PCDH15: variants seen among roughly 807,000 people sequenced by gnomAD.
PCDH15 encodes the protein protocadherin related 15.
PCDH15 carries 129 observed loss-of-function variants against 178.5 expected under a neutral mutation model. The ratio of observed to expected loss-of-function variants is 0.72; its 90% CI spans 0.63 to 0.84. PCDH15 has a LOEUF of 0.84. Ranked by LOEUF, PCDH15 falls within the 40% of genes least tolerant of loss-of-function variation. The pLI is 0.00. For synonymous variants in PCDH15, 800 were observed against 732.0 expected (o/e 1.09, Z -1.50); for missense variants, 2,230 against 2,099.9 (o/e 1.06, Z -1.21).
chr10:53,968,127 C>T (rs892538794), intron 21 of PCDH15, among the ~76,000 whole-genome samples: 13 of 152,112 alleles, frequency 8.5e-5, no homozygotes, highest in African/African-American at 3.1e-4. Context: ...ACAGATGGTA[C>T]CTGGAAAATT....
chr10:54,853,318 T>TATATATACACAC (rs1194965974), intron 3 of PCDH15, among the ~76,000 whole-genome samples: 2 of 102,054 alleles, frequency 2.0e-5, no homozygotes, highest in African/African-American at 4.3e-5. Flanking sequence ...TATATATATA[T>TATATATACACAC]ACATACACAC....
intron 2 of PCDH15, among the ~76,000 whole-genome samples, chr10:55,460,240 CTTATA>C (rs1019867826): frequency 1.7e-4 from 26 of 151,370 alleles, no homozygotes; most frequent in African/African-American, 5.8e-4. Flanking sequence ...TTTCATTATT[CTTATA>C]TTATTATTGT....
intron 3 of PCDH15, among the ~76,000 whole-genome samples, chr10:54,882,884 A>G (rs904504343): frequency 4.6e-5 from 7 of 152,088 alleles, no homozygotes; most frequent in Non-Finnish European, 8.8e-5. Flanking sequence ...CGCCATAGCC[A>G]TAAACAGTCG....
intron 1 of PCDH15, among the ~76,000 whole-genome samples, chr10:54,738,346 C>T (rs1944377664): frequency 1.3e-5 from 2 of 152,064 alleles, no homozygotes; most frequent in Admixed American, 6.6e-5. Context: ...CCAAAAGACA[C>T]ATCTAGCATA....
chr10:54,020,528 A>G lies in PCDH15; in HGVS notation c.2527-112T>C, dbSNP rs1198739079. 6 of 1,044,278 alleles carry G rather than the reference A, an allele frequency of 5.7e-6. No individual in the cohort carries two copies. In the East Asian group the frequency reaches 1.2e-4, roughly 21 times the overall value. 64.7% of individuals were successfully genotyped at this position (1,044,278 alleles called of 1,614,324 possible). A position where few individuals can be genotyped will look rare whatever the true frequency, so the allele number is the denominator to read the frequency against. On this transcript the variant is annotated intron_variant, in intron 19 of 37. Coordinates refer to ENST00000644397, the MANE Select transcript of PCDH15 (RefSeq NM_001384140.1). ...GGACAGCATCAATTTAACGAGGACA[A>G]AAAGACACGTTTTTTGTTTTTGTTT...
At chr10:55,238,219 G>T (rs974923942) in intron 1 of PCDH15, among the ~76,000 whole-genome samples, 5 of 144,212 alleles carry the variant, frequency 3.5e-5, no homozygotes, top group Non-Finnish European at 6.0e-5. Flanking sequence ...GCGCGATCTC[G>T]GCTCACTGCA....
At chr10:55,500,528 T>A (rs992722599) in intron 2 of PCDH15, among the ~76,000 whole-genome samples, 2 of 151,774 alleles carry the variant, frequency 1.3e-5, no homozygotes, top group Non-Finnish European at 2.9e-5. Context: ...CTCCCAGGAA[T>A]CTTATTAAAA....
intron 1 of PCDH15, among the ~76,000 whole-genome samples, chr10:55,258,540 A>G (rs1447603297): frequency 2.0e-5 from 3 of 152,070 alleles, no homozygotes; most frequent in Non-Finnish European, 4.4e-5. Context: ...TATACCCCTC[A>G]GTTGAATCTT....
intron 18 of PCDH15, among the ~76,000 whole-genome samples, chr10:54,058,171 G>T (rs2093938249): frequency 6.6e-6 from 1 of 152,026 alleles, no homozygotes; most frequent in African/African-American, 2.4e-5. Flanking sequence ...TTCCAACCCA[G>T]GCCTGTTACC....
intron 2 of PCDH15, among the ~76,000 whole-genome samples, chr10:55,402,500 C>T (rs1297898247): frequency 6.6e-6 from 1 of 151,918 alleles, no homozygotes; most frequent in East Asian, 1.9e-4. Flanking sequence ...TACCCACTAA[C>T]CAACCTTTCC....
At chr10:54,470,529 G>A (rs950921550) in intron 3 of PCDH15, among the ~76,000 whole-genome samples, 1 of 152,096 alleles carries the variant, frequency 6.6e-6, no homozygotes, top group Admixed American at 6.5e-5. Context: ...TTCAGTGTGG[G>A]TATGGCACCC....
intron 2 of PCDH15, among the ~76,000 whole-genome samples, chr10:55,521,325 C>T (rs907752701): frequency 6.6e-6 from 1 of 151,982 alleles, no homozygotes; most frequent in Non-Finnish European, 1.5e-5. Flanking sequence ...GGTTATGCCC[C>T]ATTAAACTCA....
intron 21 of PCDH15, among the ~76,000 whole-genome samples, chr10:53,977,794 G>A (rs1156430357): frequency 6.6e-6 from 1 of 152,184 alleles, no homozygotes; most frequent in Non-Finnish European, 1.5e-5. Context: ...TATAGGCATT[G>A]GTAAATACAC....
intron 1 of PCDH15, among the ~76,000 whole-genome samples, chr10:55,253,195 T>C (rs1275481045): frequency 6.6e-6 from 1 of 151,150 alleles, no homozygotes; most frequent in Non-Finnish European, 1.5e-5. Flanking sequence ...ATGGAGAGAG[T>C]ATAGGGCATG....
chr10:54,129,522 A>G (rs1825538756), intron 15 of PCDH15, among the ~76,000 whole-genome samples: 1 of 152,216 alleles, frequency 6.6e-6, no homozygotes, highest in Admixed American at 6.5e-5. Flanking sequence ...TAAGAAATAT[A>G]TATTATTTGT....
chr10:54,351,653 C>T (rs915592477), intron 5 of PCDH15, among the ~76,000 whole-genome samples: 10 of 152,154 alleles, frequency 6.6e-5, no homozygotes, highest in East Asian at 1.9e-4. Context: ...CCTGGTTCCT[C>T]GGACAACCTC....
chr10:54,228,413 C>A (rs1404929586), intron 9 of PCDH15, among the ~76,000 whole-genome samples: 1 of 152,078 alleles, frequency 6.6e-6, no homozygotes, highest in South Asian at 2.1e-4. Context: ...AAAGACTTGG[C>A]CCCATTATTC....
intron 18 of PCDH15, among the ~76,000 whole-genome samples, chr10:54,036,729 T>A (rs867832847): frequency 2.0e-5 from 3 of 151,826 alleles, no homozygotes; most frequent in Admixed American, 2.0e-4. Flanking sequence ...GATAAAGGAG[T>A]AAATTTGAGG....
intron 17 of PCDH15, among the ~76,000 whole-genome samples, chr10:54,078,678 G>A (rs1269705519): frequency 1.3e-5 from 2 of 151,860 alleles, no homozygotes; most frequent in Non-Finnish European, 2.9e-5. Context: ...ATAGAAAGCG[G>A]GATGCTGGCA....
Sources: gnomAD v4.1 joint callset for allele counts (sites outside exome capture counted in the v4.1 genomes callset) on GRCh38, gnomAD v4.1.1 for gene constraint, MANE v1.5 for transcripts, NCBI Gene and HGNC (gene_info 2026-07-23, HGNC 2026-07-21) for gene names.